The following EGLN1 variants were observed in gnomAD, a reference collection of about 807,000 sequenced individuals.
The protein encoded by EGLN1 is egl nine homolog 1.
Under a neutral mutation model 38.3 loss-of-function variants are expected in EGLN1, and 17 were observed. The ratio of observed to expected loss-of-function variants is 0.44; its 90% CI spans 0.30 to 0.67. The LOEUF is 0.67. Ranked by LOEUF, EGLN1 falls within the 30% of genes least tolerant of loss-of-function variation. The probability of loss-of-function intolerance (pLI) is 0.08; values close to 1 mark genes in which losing one functional copy is unlikely to be tolerated. For synonymous variants in EGLN1, 283 were observed against 257.5 expected (o/e 1.10, Z -0.95); for missense variants, 477 against 603.3 (o/e 0.79, Z 2.19).
chr1:231,376,170 A>G (rs1002111788), intron 1 of EGLN1, among the ~76,000 whole-genome samples: 2 of 152,238 alleles, frequency 1.3e-5, no homozygotes, highest in African/African-American at 2.4e-5. Context: ...GATTTCAGTT[A>G]CCTTTGGTCA....
intron 1 of EGLN1, among the ~76,000 whole-genome samples, chr1:231,387,974 T>C (rs1478067951): frequency 6.6e-6 from 1 of 152,228 alleles, no homozygotes; most frequent in Non-Finnish European, 1.5e-5. Context: ...GCTGAACCTG[T>C]TAAGTGATCT....
At chr1:231,382,140 T>C (rs558856500) in intron 1 of EGLN1, among the ~76,000 whole-genome samples, 217 of 152,314 alleles carry the variant, frequency 1.4e-3, no homozygotes, top group Admixed American at 2.0e-3. Context: ...AAACATACAT[T>C]CTGGCACTTC....
intron 1 of EGLN1, among the ~76,000 whole-genome samples, chr1:231,378,654 A>G (rs1327402752): frequency 1.3e-5 from 2 of 152,166 alleles, no homozygotes; most frequent in Non-Finnish European, 2.9e-5. Context: ...TCTGAGAATA[A>G]AAGGAAGGAA....
intron 1 of EGLN1, among the ~76,000 whole-genome samples, chr1:231,386,279 T>A (rs1688203875): frequency 6.6e-6 from 1 of 152,232 alleles, no homozygotes; most frequent in Non-Finnish European, 1.5e-5. Context: ...TACAAATAAT[T>A]ATCTCATTTC....
intron 1 of EGLN1, among the ~76,000 whole-genome samples, chr1:231,410,626 T>A (rs1688913741): frequency 6.6e-6 from 1 of 152,112 alleles, no homozygotes; most frequent in African/African-American, 2.4e-5. Flanking sequence ...GAAATATAGA[T>A]GTTCAAGTTC....
intron 1 of EGLN1, among the ~76,000 whole-genome samples, chr1:231,381,272 C>T (rs1263376838): frequency 6.6e-6 from 1 of 152,050 alleles, no homozygotes; most frequent in African/African-American, 2.4e-5. Context: ...ACAATTTCAA[C>T]CTTTTTACTC....
At chr1:231,402,508 C>T (rs1371358561) in intron 1 of EGLN1, among the ~76,000 whole-genome samples, 2 of 151,178 alleles carry the variant, frequency 1.3e-5, no homozygotes, top group Non-Finnish European at 2.9e-5. Context: ...GATCTCAGCT[C>T]ATTGCAACCT....
intron 2 of EGLN1, among the ~76,000 whole-genome samples, chr1:231,371,425 T>C (rs1687819153): frequency 6.6e-6 from 1 of 152,176 alleles, no homozygotes; most frequent in South Asian, 2.1e-4. Flanking sequence ...AACAATAGGA[T>C]AGTCACAAAT....
chr1:231,380,962 C>G (rs1314422715), intron 1 of EGLN1, among the ~76,000 whole-genome samples: 1 of 152,148 alleles, frequency 6.6e-6, no homozygotes, highest in East Asian at 1.9e-4. Flanking sequence ...CTCTGTCACC[C>G]AGGCTGGAGT....
intron 1 of EGLN1, among the ~76,000 whole-genome samples, chr1:231,411,128 G>T (rs929025658): frequency 6.6e-6 from 1 of 152,162 alleles, no homozygotes; most frequent in Non-Finnish European, 1.5e-5. Flanking sequence ...ATCTCATATT[G>T]AATTATAATC....
intron 1 of EGLN1, among the ~76,000 whole-genome samples, chr1:231,400,710 A>G (rs1359875155): frequency 6.6e-6 from 1 of 152,178 alleles, no homozygotes; most frequent in Non-Finnish European, 1.5e-5. Flanking sequence ...AATTACTTCA[A>G]TAAGGGAAAG....
At chr1:231,390,772 C>G (rs572893607) in intron 1 of EGLN1, among the ~76,000 whole-genome samples, 1 of 152,332 alleles carries the variant, frequency 6.6e-6, no homozygotes, top group South Asian at 2.1e-4. Context: ...GCAGAAATGC[C>G]TGTCCTTGCT....
chr1:231,369,279 G>C (rs943016576), intron 3 of EGLN1, among the ~76,000 whole-genome samples: 1 of 152,028 alleles, frequency 6.6e-6, no homozygotes, highest in Non-Finnish European at 1.5e-5. Flanking sequence ...CACCACCTTC[G>C]TTCCTCAACT....
intron 1 of EGLN1, among the ~76,000 whole-genome samples, chr1:231,420,496 T>C (rs1474545110): frequency 6.6e-6 from 1 of 152,168 alleles, no homozygotes; most frequent in African/African-American, 2.4e-5. Context: ...AATGTACCTT[T>C]TTGCGGTCAG....
chr1:231,382,210 C>T (rs183144859), intron 1 of EGLN1, among the ~76,000 whole-genome samples: 45 of 152,282 alleles, frequency 3.0e-4, no homozygotes, highest in African/African-American at 1.0e-3. Flanking sequence ...AAAAGTAAAA[C>T]ATCTGTTTCA....
chr1:231,409,391 T>C (rs1335741151), intron 1 of EGLN1, among the ~76,000 whole-genome samples: 1 of 152,170 alleles, frequency 6.6e-6, no homozygotes, highest in Non-Finnish European at 1.5e-5. Flanking sequence ...CTCACACAGT[T>C]AAGACTCCAG....
At chr1:231,371,330 AATAG>A (rs1442507269) in intron 2 of EGLN1, among the ~76,000 whole-genome samples, 11 of 152,196 alleles carry the variant, frequency 7.2e-5, no homozygotes, top group South Asian at 2.1e-4. Context: ...CCACCCTTCA[AATAG>A]ATAGATTTCA....
chr1:231,367,862 T>G (rs1170638329), intron 3 of EGLN1, among the ~76,000 whole-genome samples: 1 of 152,182 alleles, frequency 6.6e-6, no homozygotes, highest in East Asian at 1.9e-4. Flanking sequence ...TTCAACTACT[T>G]ATTTTTTGCA....
At chr1:231,391,468 CTTCCT>C (rs61073098) in intron 1 of EGLN1, among the ~76,000 whole-genome samples, 82,279 of 151,352 alleles carry the variant, frequency 0.54, 23,935 homozygotes, top group Non-Finnish European at 0.65. Flanking sequence ...TCCTGCACTG[CTTCCT>C]TTATGACGAC....
Sources: allele counts gnomAD v4.1 joint callset (sites outside exome capture counted in the v4.1 genomes callset), GRCh38; gene constraint gnomAD v4.1.1; transcripts MANE v1.5; gene names NCBI Gene and HGNC (gene_info 2026-07-23, HGNC 2026-07-21).